Variants in AMMECR1 observed in about 807,000 individuals in gnomAD.
AMMECR1 encodes AMMECR nuclear protein 1, also known as nuclear protein AMMECR1.
In AMMECR1, 3 loss-of-function variants were observed where a neutral mutation model predicts 22.5. The ratio of observed to expected loss-of-function variants is 0.13; its 90% CI spans 0.06 to 0.35. The LOEUF (loss-of-function observed/expected upper bound fraction) is 0.35, where lower values mean the gene tolerates loss of function less well. AMMECR1 is among the 10% of genes least tolerant of loss of function. The pLI, the probability that AMMECR1 is intolerant of heterozygous loss-of-function variation, is 1.00. For synonymous variants in AMMECR1, 130 were observed against 116.7 expected, an observed-to-expected ratio of 1.11 and a Z score of -0.74; for missense variants, 235 against 278.7, an observed-to-expected ratio of 0.84 and a Z score of 1.12.
chrX:110,432,331 C>A (rs1001837943), intron 1 of AMMECR1, among the ~76,000 whole-genome samples: 4 of 112,524 alleles, frequency 3.6e-5, no homozygotes, highest in African/African-American at 1.3e-4. Flanking sequence ...ACTACACCCC[C>A]TGCCGGGTTC....
intron 1 of AMMECR1, among the ~76,000 whole-genome samples, chrX:110,291,403 G>A (rs753913212): frequency 2.7e-5 from 3 of 111,070 alleles, no homozygotes; most frequent in African/African-American, 9.8e-5. Context: ...GTGCGCACCT[G>A]TAGTCCTAGC....
At chrX:110,338,169 T>C (rs1330067697) in intron 2 of AMMECR1, among the ~76,000 whole-genome samples, 1 of 112,260 alleles carries the variant, frequency 8.9e-6, no homozygotes, top group Non-Finnish European at 1.9e-5. Flanking sequence ...AACATGATGA[T>C]GTGTTTAATA....
At chrX:110,215,602 G>A (rs2067469713) in intron 3 of AMMECR1, among the ~76,000 whole-genome samples, 1 of 112,017 alleles carries the variant, frequency 8.9e-6, no homozygotes, top group Admixed American at 9.5e-5. Context: ...GAGTGTATGT[G>A]TGAGAGAGAA....
At chrX:110,260,204 T>C (rs1290226941) in intron 2 of AMMECR1, among the ~76,000 whole-genome samples, 3 of 111,638 alleles carry the variant, frequency 2.7e-5, no homozygotes, top group African/African-American at 9.8e-5. Flanking sequence ...TTTACCCAGA[T>C]CCTTCAAGGT....
intron 1 of AMMECR1, among the ~76,000 whole-genome samples, chrX:110,295,134 G>A (rs1007456791): frequency 9.0e-6 from 1 of 110,918 alleles, no homozygotes; most frequent in Non-Finnish European, 1.9e-5. Context: ...CAACTTTCTG[G>A]GCAATAGATG....
chrX:110,324,725 A>G lies in AMMECR1; in HGVS notation c.-147-6876T>C, dbSNP rs2068091621. ...TTTTACTGTGTCTATTGACAGGATC[A>G]TGTGGTTTTTGTTCTTTATGTTGTT... On this transcript the variant is annotated intron_variant, in intron 2 of 7. Transcript: ENST00000372057. 2.8e-5 allele frequency among the ~76,000 whole-genome samples: 3 copies of G among 107,822 alleles called. No homozygotes were observed. In the South Asian group the frequency reaches 1.2e-3, roughly 44 times the overall value. 93.6% of individuals were successfully genotyped at this position (107,822 alleles called of 115,157 possible).
chrX:110,411,168 A>G, intron 2 of AMMECR1, among the ~76,000 whole-genome samples: 1 of 112,051 alleles, frequency 8.9e-6, no homozygotes, highest in Non-Finnish European at 1.9e-5. Context: ...CCGACAGTGA[A>G]CCTTGGCGTG....
At chrX:110,435,139 A>C (rs2068828896) in intron 1 of AMMECR1, among the ~76,000 whole-genome samples, 1 of 73,423 alleles carries the variant, frequency 1.4e-5, no homozygotes, top group Non-Finnish European at 2.6e-5. Context: ...AGGGGGAAGA[A>C]GGAGGGAGTG....
intron 1 of AMMECR1, among the ~76,000 whole-genome samples, chrX:110,305,682 C>G (rs1040662019): frequency 1.6e-4 from 18 of 111,793 alleles, no homozygotes; most frequent in African/African-American, 5.5e-4. Flanking sequence ...AAGTGCTTAA[C>G]TGAAATGGTT....
At chrX:110,257,438 T>C (rs1257913768) in intron 2 of AMMECR1, among the ~76,000 whole-genome samples, 1 of 112,531 alleles carries the variant, frequency 8.9e-6, no homozygotes, top group Admixed American at 9.4e-5. Flanking sequence ...ATGCACACTC[T>C]TAAGAGTCCT....
rs771415667 is a variant in AMMECR1, at chrX:110,224,979, C to A, written c.585-8347G>T. ...TTTCGTTTTTTAAATTAAAAAAAAT[C>A]CATAGAATCCCTTCAGAACTGCAGG... is the stretch of plus-strand genomic sequence containing the variant. On this transcript the variant is annotated intron_variant, in intron 2 of 5. Transcript: ENST00000262844. 12 of 350,263 alleles carry A rather than the reference C, an allele frequency of 3.4e-5. No individual in the cohort carries two copies. In the East Asian group the frequency reaches 4.7e-4, roughly 14 times the overall value. The allele number at this position is 350,263 out of a possible 1,213,427, so 28.9% of individuals were successfully genotyped here.
intron 2 of AMMECR1, among the ~76,000 whole-genome samples, chrX:110,413,640 C>T (rs1256705796): frequency 9.2e-6 from 1 of 108,724 alleles, no homozygotes; most frequent in Non-Finnish European, 1.9e-5. Context: ...GACACACTCT[C>T]ATCCTAGCCT....
chrX:110,420,597 A>G (rs1166790642), intron 2 of AMMECR1, among the ~76,000 whole-genome samples: 4 of 112,180 alleles, frequency 3.6e-5, no homozygotes, highest in Non-Finnish European at 7.5e-5. Flanking sequence ...TAGGACTTAA[A>G]CAAACTTTCA....
chrX:110,209,561 G>A (rs1421774282), intron 3 of AMMECR1, among the ~76,000 whole-genome samples: 2 of 111,945 alleles, frequency 1.8e-5, no homozygotes, highest in African/African-American at 3.2e-5. Flanking sequence ...TGTTTTTCAC[G>A]TTTGTTGCCT....
At chrX:110,336,560 A>AAC (rs1207717841) in intron 2 of AMMECR1, among the ~76,000 whole-genome samples, 1 of 110,089 alleles carries the variant, frequency 9.1e-6, no homozygotes, top group African/African-American at 3.3e-5. Context: ...AAAAAAACAA[A>AAC]AAAAATTAGC....
At chrX:110,439,241 TA>T (rs2068862004) in intron 1 of AMMECR1, among the ~76,000 whole-genome samples, 2 of 112,022 alleles carry the variant, frequency 1.8e-5, no homozygotes, top group Non-Finnish European at 3.8e-5. Context: ...AGGAAAGCAG[TA>T]AAAACATCAG....
chrX:110,365,430 C>T lies in AMMECR1; in HGVS notation c.-147-47581G>A, dbSNP rs775042068. On this transcript the variant is annotated intron_variant, in intron 2 of 7. Coordinates refer to the AMMECR1 transcript ENST00000372057. ...CACTTACCTTATTGCATTCTTGTAG[C>T]GTGATCTATATGCTTTAGTTCATGT... 7.1e-5 allele frequency among the ~76,000 whole-genome samples: 8 copies of T among 112,186 alleles called. No homozygotes were observed. In the South Asian group the frequency reaches 2.6e-3, roughly 37 times the overall value.
intron 2 of AMMECR1, among the ~76,000 whole-genome samples, chrX:110,422,263 C>T (rs1392794602): frequency 8.9e-6 from 1 of 112,912 alleles, no homozygotes; most frequent in Non-Finnish European, 1.9e-5. Flanking sequence ...AGTCAGATTA[C>T]CTGGCCCTCA....
intron 1 of AMMECR1, among the ~76,000 whole-genome samples, chrX:110,277,143 C>G (rs2067830130): frequency 9.0e-6 from 1 of 111,376 alleles, no homozygotes; most frequent in East Asian, 2.8e-4. Context: ...GCACCAGTTA[C>G]TCCTTCATGG....
Sources: gnomAD v4.1 joint callset for allele counts (sites outside exome capture counted in the v4.1 genomes callset) on GRCh38, gnomAD v4.1.1 for gene constraint, MANE v1.5 for transcripts, NCBI Gene and HGNC (gene_info 2026-07-23, HGNC 2026-07-21) for gene names.